The following CADM2 variants were observed in gnomAD, a reference collection of about 807,000 sequenced individuals.
The protein encoded by CADM2 is immunoglobulin superfamily member 4D.
Under a neutral mutation model 49.8 loss-of-function variants are expected in CADM2, and 12 were observed. That is an observed-to-expected ratio of 0.24 (90% CI 0.15 to 0.39). The LOEUF (loss-of-function observed/expected upper bound fraction) is 0.39. Among genes scored for constraint, CADM2 ranks in the 10% least tolerant of loss-of-function variants. The pLI is 1.00. For synonymous variants in CADM2, 214 were observed against 175.4 expected (o/e 1.22, Z -1.74); for missense variants, 378 against 492.3 (o/e 0.77, Z 2.20).
chr3:85,377,295 ATAGCGG>A (rs1445212690), intron 1 of CADM2, among the ~76,000 whole-genome samples: 1 of 152,094 alleles, frequency 6.6e-6, no homozygotes, highest in African/African-American at 2.4e-5. Context: ...TGTTCCCAAG[ATAGCGG>A]AATTAGTGTC....
chr3:85,343,874 T>A (rs2030232414), intron 1 of CADM2, among the ~76,000 whole-genome samples: 1 of 152,190 alleles, frequency 6.6e-6, no homozygotes, highest in Non-Finnish European at 1.5e-5. Context: ...TCCTTTTCAG[T>A]GTTTCATTTA....
At chr3:86,066,580 AG>A (rs896446444) in intron 9 of CADM2, 84 bp from the exon 10 acceptor site, 1 of 1,053,960 alleles carries the variant, frequency 9.5e-7, no homozygotes. Flanking sequence ...ATCTGGCAAA[AG>A]TTTCTTCCTA....
intron 1 of CADM2, among the ~76,000 whole-genome samples, chr3:85,252,785 C>A (rs904097311): frequency 6.6e-6 from 1 of 151,948 alleles, no homozygotes; most frequent in Admixed American, 6.6e-5. Context: ...TACTGTCAGC[C>A]TTATCTGCTC....
chr3:85,206,737 A>C (rs1392294242), intron 1 of CADM2, among the ~76,000 whole-genome samples: 1 of 151,822 alleles, frequency 6.6e-6, no homozygotes, highest in Non-Finnish European at 1.5e-5. Flanking sequence ...ATTTTATTTG[A>C]TCTTAATCTA....
At chr3:85,379,915 C>T (rs2033805858) in intron 1 of CADM2, among the ~76,000 whole-genome samples, 1 of 151,998 alleles carries the variant, frequency 6.6e-6, no homozygotes, top group Non-Finnish European at 1.5e-5. Flanking sequence ...AGCTTATTGT[C>T]TGACATCTTT....
chr3:85,951,675 C>G (rs145839014), intron 7 of CADM2, among the ~76,000 whole-genome samples: 6 of 151,106 alleles, frequency 4.0e-5, no homozygotes, highest in African/African-American at 9.7e-5. Context: ...CTCCAAGATA[C>G]AGTAATGAAA....
At chr3:85,982,127 A>G (rs957137648) in intron 8 of CADM2, among the ~76,000 whole-genome samples, 4 of 151,728 alleles carry the variant, frequency 2.6e-5, no homozygotes, top group Non-Finnish European at 5.9e-5. Flanking sequence ...ATTTTTTCAT[A>G]TGCTTGTTAG....
intron 1 of CADM2, among the ~76,000 whole-genome samples, chr3:84,972,658 A>C (rs1421287320): frequency 6.6e-6 from 1 of 152,176 alleles, no homozygotes; most frequent in Admixed American, 6.5e-5. Flanking sequence ...TGTGCATTTC[A>C]TGTACATTAA....
chr3:85,031,092 T>G (rs986701638), intron 1 of CADM2, among the ~76,000 whole-genome samples: 2 of 152,148 alleles, frequency 1.3e-5, no homozygotes, highest in African/African-American at 4.8e-5. Context: ...TAAAGCCCTC[T>G]GGAAAGGACG....
chr3:85,220,288 G>A (rs2042016795), intron 1 of CADM2, among the ~76,000 whole-genome samples: 1 of 152,070 alleles, frequency 6.6e-6, no homozygotes, highest in African/African-American at 2.4e-5. Context: ...TTTTGATGGT[G>A]ATATTCATGA....
intron 1 of CADM2, among the ~76,000 whole-genome samples, chr3:85,227,912 T>C (rs373583620): frequency 7.9e-5 from 12 of 152,186 alleles, no homozygotes; most frequent in African/African-American, 2.9e-4. Flanking sequence ...TTTGGCTGGA[T>C]ATGAAATTCT....
rs140054165 is a variant in CADM2 at position 86,066,584 on chromosome 3, T to C, written c.1097-81T>C. 2.8e-4 allele frequency: 304 copies of C among 1,080,880 alleles called. 2 individuals carry two copies. Among genetic ancestry groups the C allele is most frequent in the African/African-American group, 2.4e-3 (155 of 63,554 alleles). 67.0% of individuals were successfully genotyped at this position (1,080,880 alleles called of 1,614,324 possible). A position where few individuals can be genotyped will look rare whatever the true frequency, so the allele number is the denominator to read the frequency against. ...AGGTCTCAAAAATCTGGCAAAAGTT[T>C]CTTCCTAAATAATGTAGCTTTAATG... On this transcript the variant is annotated intron_variant, in intron 9 of 9. Transcript: ENST00000383699.
intron 1 of CADM2, among the ~76,000 whole-genome samples, chr3:85,522,733 C>T (rs1868532): frequency 0.52 from 78,056 of 151,502 alleles, 23,066 homozygotes; most frequent in East Asian, 0.85. Flanking sequence ...CATTTACTGA[C>T]TCTCAAGTCT....
At chr3:86,029,199 T>A (rs942819861) in intron 8 of CADM2, among the ~76,000 whole-genome samples, 2 of 152,132 alleles carry the variant, frequency 1.3e-5, no homozygotes, top group Non-Finnish European at 2.9e-5. Context: ...TGAAAGCTAT[T>A]GAACATTTTC....
Position 86,005,741 on chromosome 3 carries a change from T to C in CADM2, c.970+44094T>C, listed in dbSNP as rs149699976. ...ACTTTATTTTAAACTGTACAGTTACTATTGACTATAGTCACACTATTGTGC... is the reference window on the plus strand; with the variant it reads ...ACTTTATTTTAAACTGTACAGTTACCATTGACTATAGTCACACTATTGTGC... On this transcript the variant is annotated intron_variant, in intron 8 of 9. Transcript: ENST00000383699. 5.6e-4 allele frequency among the ~76,000 whole-genome samples: 86 copies of C among 152,322 alleles called. 1 individual carries two copies. Among genetic ancestry groups the C allele is most frequent in the African/African-American group, 2.0e-3 (84 of 41,584 alleles).
intron 1 of CADM2, among the ~76,000 whole-genome samples, chr3:85,599,252 C>T (rs2063331172): frequency 6.6e-6 from 1 of 152,020 alleles, no homozygotes. Context: ...ACATTTGTTA[C>T]AGCACAAAGT....
intron 1 of CADM2, among the ~76,000 whole-genome samples, chr3:85,722,860 A>G (rs1426152068): frequency 1.3e-5 from 2 of 152,154 alleles, no homozygotes; most frequent in Non-Finnish European, 1.5e-5. Flanking sequence ...GAGTCCCTAA[A>G]TCTTTGAGAA....
chr3:85,551,440 G>T (rs6549036), intron 1 of CADM2, among the ~76,000 whole-genome samples: 77,835 of 151,852 alleles, frequency 0.51, 23,016 homozygotes, highest in East Asian at 0.85. Context: ...TGGACTGTGA[G>T]CTTCATTTAG....
chr3:86,023,028 G>A (rs1733395699), intron 8 of CADM2, among the ~76,000 whole-genome samples: 1 of 151,984 alleles, frequency 6.6e-6, no homozygotes, highest in Non-Finnish European at 1.5e-5. Flanking sequence ...TTATTTCTCT[G>A]GTTGAGATCT....
Sources: gnomAD v4.1 joint callset for allele counts (sites outside exome capture counted in the v4.1 genomes callset) on GRCh38, gnomAD v4.1.1 for gene constraint, MANE v1.5 for transcripts, NCBI Gene and HGNC (gene_info 2026-07-23, HGNC 2026-07-21) for gene names.